Variants in FNBP1 observed in about 807,000 individuals in gnomAD.
FNBP1 encodes formin-binding protein 1.
FNBP1 carries 26 observed loss-of-function variants against 90.6 expected under a neutral mutation model. The observed-to-expected ratio is 0.29, with a 90% CI of 0.21 to 0.40. The LOEUF (loss-of-function observed/expected upper bound fraction) is 0.40. Ranked by LOEUF, FNBP1 falls within the 10% of genes least tolerant of loss-of-function variation. The pLI is 1.00. For synonymous variants in FNBP1, 260 were observed against 265.2 expected (o/e 0.98, Z 0.19); for missense variants, 635 against 768.0 (o/e 0.83, Z 2.05).
intron 2 of FNBP1, among the ~76,000 whole-genome samples, chr9:129,979,733 G>A (rs974544813): frequency 1.3e-5 from 2 of 151,972 alleles, no homozygotes; most frequent in South Asian, 2.1e-4. Context: ...TCTGCCTCCC[G>A]GGTTCAAGCG....
intron 6 of FNBP1, among the ~76,000 whole-genome samples, chr9:129,934,791 C>T (rs1016967204): frequency 2.0e-5 from 3 of 151,984 alleles, no homozygotes; most frequent in Admixed American, 6.6e-5. Flanking sequence ...AGGCTGGTCT[C>T]GAACTCCTGA....
At chr9:129,910,492 A>C in intron 11 of FNBP1, among the ~76,000 whole-genome samples, 1 of 144,062 alleles carries the variant, frequency 6.9e-6, no homozygotes, top group East Asian at 2.0e-4. Flanking sequence ...AAAAAAACAA[A>C]AAAAAAAAAA....
intron 1 of FNBP1, among the ~76,000 whole-genome samples, chr9:130,028,254 C>T (rs549062937): frequency 1.3e-5 from 2 of 152,324 alleles, no homozygotes; most frequent in East Asian, 3.9e-4. Flanking sequence ...ATCTGTCCCA[C>T]ATGTGAAGTA....
chr9:129,936,442 C>G (rs1370129584), intron 6 of FNBP1: 4 of 152,258 alleles, frequency 2.6e-5, no homozygotes, highest in African/African-American at 7.2e-5. Context: ...GGGGACACAG[C>G]AAGAATCCAG....
At chr9:129,895,384 A>T in intron 16 of FNBP1, 1 of 1,082,336 alleles carries the variant, frequency 9.2e-7, no homozygotes, top group Non-Finnish European at 1.1e-6. Context: ...TCAGTTTATT[A>T]AGTTACAATC....
chr9:130,028,151 C>G (rs1480327235), intron 1 of FNBP1, among the ~76,000 whole-genome samples: 1 of 152,218 alleles, frequency 6.6e-6, no homozygotes, highest in African/African-American at 2.4e-5. Context: ...TAAGTCCCTT[C>G]TCACCCACTC....
intron 1 of FNBP1, among the ~76,000 whole-genome samples, chr9:130,017,239 T>C (rs970215342): frequency 1.3e-5 from 2 of 152,200 alleles, no homozygotes; most frequent in African/African-American, 2.4e-5. Flanking sequence ...CCCTAAGCTG[T>C]TGCCAAAGAA....
At chr9:130,025,615 G>A (rs1200953972) in intron 1 of FNBP1, among the ~76,000 whole-genome samples, 7 of 152,110 alleles carry the variant, frequency 4.6e-5, no homozygotes, top group East Asian at 1.9e-4. Flanking sequence ...ATTCAGTCTC[G>A]ACATGGAATT....
chr9:130,038,358 CAA>C (rs532239781), intron 1 of FNBP1, among the ~76,000 whole-genome samples: 48 of 76,048 alleles, frequency 6.3e-4, no homozygotes, highest in Admixed American at 7.0e-4. Context: ...GACTCCGTCT[CAA>C]AAAAAAAAAA....
At position 130,041,640 on chromosome 9, in the gene FNBP1, T is replaced by A. The variant is rs1016506246; in HGVS notation, c.24+1312A>T. Among the ~76,000 whole-genome samples the A allele has an allele frequency of 7.9e-5, 12 of 152,236 alleles. No individual in the cohort carries two copies. The highest frequency in any genetic ancestry group is 2.9e-4 in the African/African-American group (12 of 41,466). ...CAGCGGAAATTTTGTCATGAATCCCTTTTAGGCAGAAGATGTTTATAAAAT... is the reference window on the plus strand; with the variant it reads ...CAGCGGAAATTTTGTCATGAATCCCATTTAGGCAGAAGATGTTTATAAAAT... On this transcript the variant is annotated intron_variant, in intron 1 of 16. Transcript: ENST00000446176. The surrounding 1 kb of genome is among the most constrained non-coding windows in gnomAD (Gnocchi z 4.3).
intron 1 of FNBP1, among the ~76,000 whole-genome samples, chr9:130,017,774 G>A (rs2057384780): frequency 6.6e-6 from 1 of 150,792 alleles, no homozygotes; most frequent in Admixed American, 6.6e-5. Flanking sequence ...AGGTTGCAGT[G>A]AGCTAAGATC....
rs756342214 is a variant in FNBP1 at position 129,914,757 on chromosome 9, CTATATA to C, written c.1185+1203_1185+1208del. Among the ~76,000 whole-genome samples, 495 of 109,968 alleles carry C rather than the reference CTATATA, an allele frequency of 4.5e-3. 2 individuals carry two copies. Among genetic ancestry groups the C allele is most frequent in the African/African-American group, 0.011 (309 of 26,936 alleles). The allele number at this position is 109,968 out of a possible 152,430, so 72.1% of individuals were successfully genotyped here. On this transcript the variant is annotated intron_variant, in intron 11 of 16. Coordinates refer to ENST00000446176, the MANE Select transcript of FNBP1 (RefSeq NM_015033.3). ...AAATTATGTATATACATACATATGT[CTATATA>C]TATATATATATATATATATATATAT...
intron 6 of FNBP1, among the ~76,000 whole-genome samples, chr9:129,934,099 A>C (rs1192102303): frequency 6.6e-6 from 1 of 152,190 alleles, no homozygotes; most frequent in Non-Finnish European, 1.5e-5. Flanking sequence ...TATTTTGGAG[A>C]CTATCTCCTA....
At chr9:130,039,384 G>T (rs1013836408) in intron 1 of FNBP1, among the ~76,000 whole-genome samples, 1 of 152,136 alleles carries the variant, frequency 6.6e-6, no homozygotes, top group Non-Finnish European at 1.5e-5. Flanking sequence ...CTTCAAAATG[G>T]CCATGTAAGC....
chr9:130,026,265 T>C (rs2058329689), intron 1 of FNBP1, among the ~76,000 whole-genome samples: 1 of 151,204 alleles, frequency 6.6e-6, no homozygotes, highest in Non-Finnish European at 1.5e-5. Context: ...GAGGCTGAGG[T>C]GGGTGATCAT....
At chr9:129,929,238 C>T (rs147914574) in intron 7 of FNBP1, among the ~76,000 whole-genome samples, 5,232 of 151,930 alleles carry the variant, frequency 0.034, 159 homozygotes, top group African/African-American at 0.078. Context: ...GGCAAAACCC[C>T]GTCTCTACTA....
chr9:129,907,397 C>T (rs2038306734), intron 12 of FNBP1, among the ~76,000 whole-genome samples: 1 of 152,176 alleles, frequency 6.6e-6, no homozygotes, highest in South Asian at 2.1e-4. Flanking sequence ...TGCACACTGA[C>T]ACATCAGCAG....
At chr9:129,975,752 A>C (rs1231077769) in intron 4 of FNBP1, among the ~76,000 whole-genome samples, 12 of 151,984 alleles carry the variant, frequency 7.9e-5, no homozygotes. Context: ...AAATATAAAA[A>C]ATTAGCCGGA....
At position 130,041,168 on chromosome 9, in the gene FNBP1, T is replaced by A. The variant is rs2132434469; in HGVS notation, c.24+1784A>T. ...ATTTATTTTCAATCACTCCTAACCC[T>A]GCCTTCCTTCCCACTTCTGCACCCT... On this transcript the variant is annotated intron_variant, in intron 1 of 16. Transcript: ENST00000446176. This position sits in a 1 kb window ranked among gnomAD's most constrained non-coding sequence, Gnocchi z 4.3. 6.6e-6 allele frequency among the ~76,000 whole-genome samples: 1 copy of A among 152,178 alleles called. No individual in the cohort carries two copies. The highest frequency in any genetic ancestry group is 1.5e-5 in the Non-Finnish European group (1 of 68,000).
Sources: gnomAD v4.1 joint callset for allele counts (sites outside exome capture counted in the v4.1 genomes callset) on GRCh38, gnomAD v4.1.1 for gene constraint, Gnocchi (gnomAD v3.1) non-coding constraint, MANE v1.5 for transcripts, NCBI Gene and HGNC (gene_info 2026-07-23, HGNC 2026-07-21) for gene names.